Variants in OCA2 observed in about 807,000 individuals in gnomAD.
The protein encoded by OCA2 is P protein.
A neutral mutation model predicts 100.2 loss-of-function variants in OCA2; 77 were observed. The observed-to-expected ratio is 0.77, with a 90% CI of 0.64 to 0.93. The LOEUF is 0.93. Ranked by LOEUF, OCA2 falls within the 40% of genes least tolerant of loss-of-function variation. The pLI is 0.00. For missense variants in OCA2, 1,062 were observed against 1,089.1 expected (o/e 0.98, Z 0.35); for synonymous variants, 432 against 439.2 (o/e 0.98, Z 0.21).
intron 23 of OCA2, among the ~76,000 whole-genome samples, chr15:27,765,436 A>G (rs2031181728): frequency 6.6e-6 from 1 of 152,226 alleles, no homozygotes; most frequent in African/African-American, 2.4e-5. Flanking sequence ...CTATAACTCC[A>G]TGATTTAGCA....
intron 19 of OCA2, among the ~76,000 whole-genome samples, chr15:27,904,127 G>A (rs1041420252): frequency 6.6e-6 from 1 of 151,888 alleles, no homozygotes; most frequent in South Asian, 2.1e-4. Flanking sequence ...ATTTCCTTTC[G>A]CCTCTGAACC....
At chr15:28,068,118 A>C (rs944587632) in intron 2 of OCA2, among the ~76,000 whole-genome samples, 1 of 152,152 alleles carries the variant, frequency 6.6e-6, no homozygotes, top group African/African-American at 2.4e-5. Context: ...TGGTTTAAAG[A>C]CTGTTTTATC....
chr15:27,998,493 A>T (rs913653737), intron 9 of OCA2, among the ~76,000 whole-genome samples: 1 of 148,184 alleles, frequency 6.7e-6, no homozygotes, highest in African/African-American at 2.4e-5. Flanking sequence ...TCAAAACCAC[A>T]ATGAGATACC....
At chr15:28,094,208 C>T (rs1312378060) in intron 1 of OCA2, among the ~76,000 whole-genome samples, 2 of 152,110 alleles carry the variant, frequency 1.3e-5, no homozygotes, top group Non-Finnish European at 2.9e-5. Flanking sequence ...TGGGGGACCC[C>T]AACACACTAG....
At chr15:27,981,166 T>C (rs992926192) in intron 14 of OCA2, among the ~76,000 whole-genome samples, 10 of 152,232 alleles carry the variant, frequency 6.6e-5, no homozygotes, top group African/African-American at 2.4e-4. Context: ...GACATTGTAA[T>C]GTTCATGTCT....
chr15:28,096,315 C>G (rs1040495230), intron 1 of OCA2, among the ~76,000 whole-genome samples: 1 of 151,936 alleles, frequency 6.6e-6, no homozygotes, highest in Non-Finnish European at 1.5e-5. Flanking sequence ...GTCGTGTCTC[C>G]GGGGGCGTGG....
intron 23 of OCA2, among the ~76,000 whole-genome samples, chr15:27,823,597 T>G (rs182774605): frequency 6.6e-6 from 1 of 152,306 alleles, no homozygotes; most frequent in Non-Finnish European, 1.5e-5. Flanking sequence ...TTAACTGAGT[T>G]TTTTTACATT....
chr15:28,058,055 G>GCCCTGGTA (rs1265457150), intron 2 of OCA2, among the ~76,000 whole-genome samples: 1 of 152,194 alleles, frequency 6.6e-6, no homozygotes, highest in Non-Finnish European at 1.5e-5. Flanking sequence ...CCCACCAAGT[G>GCCCTGGTA]CCCTGGTACC....
At chr15:27,783,689 C>T (rs1270285775) in intron 23 of OCA2, among the ~76,000 whole-genome samples, 1 of 152,214 alleles carries the variant, frequency 6.6e-6, no homozygotes, top group South Asian at 2.1e-4. Flanking sequence ...AATCCTGAAG[C>T]TTCAAGTAAA....
the OCA2 span, among the ~76,000 whole-genome samples, chr15:27,732,500 C>A: frequency 6.6e-6 from 1 of 152,166 alleles, no homozygotes; most frequent in Non-Finnish European, 1.5e-5. Flanking sequence ...CAGCAGAAGA[C>A]TTCACAGCTG....
intron 19 of OCA2, among the ~76,000 whole-genome samples, chr15:27,878,714 A>G (rs2036889786): frequency 6.6e-6 from 1 of 152,058 alleles, no homozygotes; most frequent in Admixed American, 6.5e-5. Context: ...CTGTGTTTTC[A>G]CTGAATTTTG....
chr15:27,845,160 ATTTT>A, intron 22 of OCA2, 108 bp from the exon 23 acceptor site: 2 of 881,168 alleles, frequency 2.3e-6, no homozygotes, highest in Non-Finnish European at 3.7e-6. Flanking sequence ...TTTGATTATT[ATTTT>A]ATAGTCAAAG....
intron 2 of OCA2, among the ~76,000 whole-genome samples, chr15:28,079,841 C>A (rs543405594): frequency 6.6e-6 from 1 of 152,258 alleles, no homozygotes; most frequent in African/African-American, 2.4e-5. Flanking sequence ...CAGCTCCTGC[C>A]CCCATGTGCC....
intron 22 of OCA2, 30 bp downstream of exon 22, chr15:27,851,352 C>A (rs201396266): frequency 1.9e-6 from 3 of 1,569,974 alleles, no homozygotes; most frequent in Non-Finnish European, 2.6e-6. Context: ...GGCGTGCACC[C>A]CCACCCCCAT....
At chr15:27,750,398 G>T (rs183098742), downstream of OCA2, among the ~76,000 whole-genome samples, 2 of 152,116 alleles carry the variant, frequency 1.3e-5, no homozygotes, top group Non-Finnish European at 2.9e-5. Flanking sequence ...CACACTCACC[G>T]GGAGTTTGAG....
At chr15:27,949,616 T>C (rs1275889952) in intron 18 of OCA2, among the ~76,000 whole-genome samples, 1 of 152,104 alleles carries the variant, frequency 6.6e-6, no homozygotes, top group Non-Finnish European at 1.5e-5. Flanking sequence ...TGAGTTGAGA[T>C]TGTGCCACTG....
chr15:27,988,282 G>A (rs928382616), intron 11 of OCA2, among the ~76,000 whole-genome samples: 12 of 151,998 alleles, frequency 7.9e-5, no homozygotes, highest in African/African-American at 1.2e-4. Flanking sequence ...GAATTCCACC[G>A]AGAAAAACGT....
At chr15:27,930,167 G>A (rs1386485682) in intron 18 of OCA2, among the ~76,000 whole-genome samples, 1 of 152,074 alleles carries the variant, frequency 6.6e-6, no homozygotes, top group Admixed American at 6.5e-5. Context: ...AAAGCATAAG[G>A]TAACACAAAG....
intron 14 of OCA2, among the ~76,000 whole-genome samples, chr15:27,980,205 G>A (rs963631728): frequency 2.0e-5 from 3 of 151,948 alleles, no homozygotes; most frequent in Non-Finnish European, 4.4e-5. Context: ...TCGGCTCGCT[G>A]CAAGCTCCGC....
Sources: gnomAD v4.1 joint callset for allele counts (sites outside exome capture counted in the v4.1 genomes callset) on GRCh38, gnomAD v4.1.1 for gene constraint, MANE v1.5 for transcripts, NCBI Gene and HGNC (gene_info 2026-07-23, HGNC 2026-07-21) for gene names.